SHQ1: variants seen among roughly 807,000 people sequenced by gnomAD.
SHQ1 encodes the protein SHQ1, H/ACA ribonucleoprotein assembly factor, also known as protein SHQ1 homolog.
SHQ1 carries 49 observed loss-of-function variants against 53.8 expected under a neutral mutation model. That is an observed-to-expected ratio of 0.91 (90% CI 0.72 to 1.16). The LOEUF (loss-of-function observed/expected upper bound fraction) is 1.16, where lower values mean the gene tolerates loss of function less well. SHQ1 is among the 50% of genes most tolerant of loss of function. SHQ1 has a pLI of 0.00. For missense variants in SHQ1, 738 were observed against 683.1 expected (o/e 1.08, Z -0.90); for synonymous variants, 243 against 251.0 (o/e 0.97, Z 0.30).
At chr3:72,739,120 C>T in the SHQ1 span, among the ~76,000 whole-genome samples, 1 of 152,246 alleles carries the variant, frequency 6.6e-6, no homozygotes, top group African/African-American at 2.4e-5. Flanking sequence ...GGGAGCTGCC[C>T]GCCTGCTTCG....
intron 9 of SHQ1, among the ~76,000 whole-genome samples, chr3:72,797,373 C>A (rs1706657827): frequency 6.6e-6 from 1 of 152,192 alleles, no homozygotes; most frequent in African/African-American, 2.4e-5. Flanking sequence ...GCCCATCATG[C>A]ACCTGGCATT....
intron 10 of SHQ1, among the ~76,000 whole-genome samples, chr3:72,776,593 A>T (rs1233350862): frequency 6.6e-6 from 1 of 152,228 alleles, no homozygotes; most frequent in African/African-American, 2.4e-5. Context: ...TTTTTAAAAA[A>T]GTATTTACAT....
Position 72,808,479 on chromosome 3 carries a change from C to A in SHQ1, c.1060+4192G>T, listed in dbSNP as rs568246757. Among the ~76,000 whole-genome samples the A allele has an allele frequency of 7.2e-5, 11 of 152,208 alleles. No homozygotes were observed. In the East Asian group the frequency reaches 2.1e-3, roughly 29 times the overall value. On this transcript the variant is annotated intron_variant, in intron 9 of 10. Transcript: ENST00000325599. Reference sequence around the variant, plus strand: ...CTCTCCCACCTACTAGCTGTAAGACCCTGGGCCACTGACTTCACTTCTTTG... The same window carrying A: ...CTCTCCCACCTACTAGCTGTAAGACACTGGGCCACTGACTTCACTTCTTTG...
chr3:72,734,916 C>A, the SHQ1 span, among the ~76,000 whole-genome samples: 4 of 151,498 alleles, frequency 2.6e-5, no homozygotes, highest in East Asian at 5.8e-4. Flanking sequence ...ACATTTGTGC[C>A]GGCCATGATC....
At chr3:72,734,684 C>A in the SHQ1 span, among the ~76,000 whole-genome samples, 1 of 151,620 alleles carries the variant, frequency 6.6e-6, no homozygotes, top group East Asian at 1.9e-4. Flanking sequence ...TGAAAGTGTA[C>A]TAAGTCAGAC....
chr3:72,837,800 G>A (rs1019543363), intron 4 of SHQ1, among the ~76,000 whole-genome samples: 6 of 152,308 alleles, frequency 3.9e-5, no homozygotes, highest in South Asian at 2.1e-4. Flanking sequence ...TGAACCACTT[G>A]TTACGGCTGC....
At position 72,844,503 on chromosome 3, in the gene SHQ1, A is replaced by G. The variant is rs115750111; in HGVS notation, c.144-80T>C. On this transcript the variant is annotated intron_variant, in intron 1 of 10. Transcript: ENST00000325599. ...GGCCATCAATACTTGCAAACATTTA[A>G]CCATCAAAATATATCAATCATTTTT... The G allele has an allele frequency of 4.9e-5, 51 of 1,045,246 alleles. No individual in the cohort carries two copies. In the African/African-American group the frequency reaches 6.6e-4, roughly 13 times the overall value. The allele number at this position is 1,045,246 out of a possible 1,614,324, so 64.7% of individuals were successfully genotyped here. A position where few individuals can be genotyped will look rare whatever the true frequency, so the allele number is the denominator to read the frequency against.
intron 10 of SHQ1, among the ~76,000 whole-genome samples, chr3:72,760,610 C>T (rs1166142084): frequency 6.6e-6 from 1 of 152,154 alleles, no homozygotes; most frequent in Non-Finnish European, 1.5e-5. Flanking sequence ...CCCAAAGTTC[C>T]AAGCTTAAAG....
chr3:72,792,079 G>GA lies in SHQ1; in HGVS notation c.1181+836_1181+837insT, dbSNP rs139555887. On this transcript the variant is annotated intron_variant, in intron 10 of 10. Transcript: ENST00000325599. Reference sequence around the variant, plus strand: ...TGAGTGTTCAGACCCTTCCATACATGCATTATCAAGAATCATGCTATTAGG... The same window carrying GA: ...TGAGTGTTCAGACCCTTCCATACATGACATTATCAAGAATCATGCTATTAGG... 4.3e-3 allele frequency among the ~76,000 whole-genome samples: 655 copies of GA among 152,292 alleles called. 2 individuals carry two copies. The highest frequency in any genetic ancestry group is 6.7e-3 in the Non-Finnish European group (453 of 68,022).
intron 5 of SHQ1, among the ~76,000 whole-genome samples, chr3:72,828,109 C>A (rs1575728552): frequency 6.6e-6 from 1 of 152,158 alleles, no homozygotes; most frequent in Admixed American, 6.5e-5. Flanking sequence ...ATGCCCTCTA[C>A]GTGCATCATC....
intron 10 of SHQ1, among the ~76,000 whole-genome samples, chr3:72,780,864 T>G (rs1333153390): frequency 6.6e-6 from 1 of 152,036 alleles, no homozygotes; most frequent in Non-Finnish European, 1.5e-5. Flanking sequence ...ATATTAGAGG[T>G]GTATTCCATC....
downstream of SHQ1, among the ~76,000 whole-genome samples, chr3:72,747,277 A>G (rs1393826419): frequency 6.6e-6 from 1 of 152,212 alleles, no homozygotes; most frequent in African/African-American, 2.4e-5. Flanking sequence ...CCAGCAGCTT[A>G]AACTCAAGTG....
intron 9 of SHQ1, among the ~76,000 whole-genome samples, chr3:72,808,805 A>G (rs1207935685): frequency 1.3e-5 from 2 of 152,212 alleles, no homozygotes; most frequent in Non-Finnish European, 2.9e-5. Flanking sequence ...AATGAGGCTC[A>G]CAAAGAAAAT....
chr3:72,815,123 C>T (rs534636797), intron 8 of SHQ1, among the ~76,000 whole-genome samples: 1 of 152,190 alleles, frequency 6.6e-6, no homozygotes, highest in Non-Finnish European at 1.5e-5. Flanking sequence ...CCCAACAAAC[C>T]ATGTCTCCAT....
At chr3:72,756,788 A>C (rs1005747313) in intron 10 of SHQ1, among the ~76,000 whole-genome samples, 2 of 152,258 alleles carry the variant, frequency 1.3e-5, no homozygotes, top group African/African-American at 4.8e-5. Context: ...TTCTTTCTGC[A>C]TATGTGAAAT....
intron 10 of SHQ1, among the ~76,000 whole-genome samples, chr3:72,772,224 A>G (rs546654285): frequency 5.6e-5 from 8 of 142,454 alleles, no homozygotes; most frequent in African/African-American, 7.9e-5. Context: ...TGCCAAAGCG[A>G]AAAAAAAAAA....
chr3:72,793,070 T>C (rs1246408527), intron 9 of SHQ1, 34 bp from the exon 10 acceptor site: 2 of 1,557,542 alleles, frequency 1.3e-6, no homozygotes, highest in Non-Finnish European at 1.8e-6. Context: ...AAATTATCCT[T>C]AAGAAAAAGA....
At chr3:72,818,957 G>A (rs1159869154) in intron 6 of SHQ1, among the ~76,000 whole-genome samples, 2 of 152,076 alleles carry the variant, frequency 1.3e-5, no homozygotes, top group African/African-American at 4.8e-5. Context: ...AGAAGACCTT[G>A]AGCTCCAGGA....
intron 9 of SHQ1, among the ~76,000 whole-genome samples, chr3:72,803,537 T>C (rs2106829903): frequency 6.6e-6 from 1 of 152,298 alleles, no homozygotes; most frequent in South Asian, 2.1e-4. Context: ...TGGCCACTAT[T>C]TGGAATGGCA....
Sources: gnomAD v4.1 joint callset for allele counts (sites outside exome capture counted in the v4.1 genomes callset) on GRCh38, gnomAD v4.1.1 for gene constraint, MANE v1.5 for transcripts, NCBI Gene and HGNC (gene_info 2026-07-23, HGNC 2026-07-21) for gene names.